The following CYP3A43 variants were observed in gnomAD, a reference collection of about 807,000 sequenced individuals.
CYP3A43 encodes the protein cytochrome P450 family 3 subfamily A member 43.
CYP3A43 carries 45 observed loss-of-function variants against 58.0 expected under a neutral mutation model. The ratio of observed to expected loss-of-function variants is 0.78; its 90% confidence interval spans 0.61 to 0.99. The LOEUF is 0.99. Ranked by LOEUF, CYP3A43 falls within the 50% of genes least tolerant of loss-of-function variation. The pLI, the probability that CYP3A43 is intolerant of heterozygous loss-of-function variation, is 0.00. For synonymous variants in CYP3A43, 191 were observed against 201.4 expected, an observed-to-expected ratio of 0.95 and a Z score of 0.44; for missense variants, 593 against 591.9, an observed-to-expected ratio of 1.00 and a Z score of -0.02.
rs535874834 is a variant in CYP3A43, at chr7:99,861,110, G to C, written c.1027-503G>C. On this transcript the variant is annotated intron_variant, in intron 10 of 12. Coordinates refer to ENST00000354829, the MANE Select transcript of CYP3A43 (RefSeq NM_057095.3). ...GCTGGTCTCAAACTCCTGACCTCAA[G>C]TGATCCACCCACCTTGGCCTCCCAA... Among the ~76,000 whole-genome samples the C allele has an allele frequency of 6.4e-4, 98 of 152,324 alleles. 3 individuals are homozygous for C. In the South Asian group the frequency reaches 0.02, roughly 31 times the overall value.
At chr7:99,854,485 G>A (rs1164675031) in intron 7 of CYP3A43, among the ~76,000 whole-genome samples, 4 of 152,004 alleles carry the variant, frequency 2.6e-5, no homozygotes, top group East Asian at 1.9e-4. Context: ...GATTACAGGC[G>A]TGAGCCACCG....
intron 10 of CYP3A43, among the ~76,000 whole-genome samples, chr7:99,861,295 T>A (rs2151625782): frequency 6.6e-6 from 1 of 152,286 alleles, no homozygotes; most frequent in African/African-American, 2.4e-5. Flanking sequence ...CTTTGGCATA[T>A]TTTAGGTGAT....
chr7:99,865,825 T>G, intron 12 of CYP3A43, 81 bp from the exon 13 acceptor site: 1 of 987,986 alleles, frequency 1.0e-6, no homozygotes, highest in South Asian at 1.7e-5. Flanking sequence ...GCATTACCCT[T>G]GATGTCATCT....
At chr7:99,835,610 C>T (rs1161652618) in intron 1 of CYP3A43, among the ~76,000 whole-genome samples, 9 of 152,154 alleles carry the variant, frequency 5.9e-5, no homozygotes, top group African/African-American at 2.2e-4. Context: ...CTGATTATTT[C>T]CTGGGTCACA....
At chr7:99,849,337 T>C (rs1290712230) in intron 6 of CYP3A43, among the ~76,000 whole-genome samples, 1 of 152,188 alleles carries the variant, frequency 6.6e-6, no homozygotes, top group African/African-American at 2.4e-5. Flanking sequence ...CTCACCTTAG[T>C]GTCTCCATCA....
chr7:99,834,265 G>A (rs1203513725), intron 1 of CYP3A43, among the ~76,000 whole-genome samples: 1 of 151,964 alleles, frequency 6.6e-6, no homozygotes, highest in African/African-American at 2.4e-5. Flanking sequence ...ATGGGGGTAC[G>A]GTACCCCCAT....
intron 9 of CYP3A43, among the ~76,000 whole-genome samples, chr7:99,858,919 A>G (rs1036861323): frequency 2.6e-5 from 4 of 151,984 alleles, no homozygotes; most frequent in African/African-American, 9.7e-5. Flanking sequence ...GCTGGTCTCA[A>G]AATCCTGACC....
At chr7:99,830,959 C>T (rs1816818771) in intron 1 of CYP3A43, among the ~76,000 whole-genome samples, 1 of 152,186 alleles carries the variant, frequency 6.6e-6, no homozygotes, top group South Asian at 2.1e-4. Flanking sequence ...ATTCAACTTC[C>T]AATTTCTGTT....
At chr7:99,847,078 G>A (rs1225806073) in intron 4 of CYP3A43, among the ~76,000 whole-genome samples, 1 of 151,974 alleles carries the variant, frequency 6.6e-6, no homozygotes, top group Non-Finnish European at 1.5e-5. Context: ...GTGTATTAAA[G>A]ACACAGCTGC....
chr7:99,855,160 T>A (rs994658794), intron 7 of CYP3A43, among the ~76,000 whole-genome samples: 3 of 152,196 alleles, frequency 2.0e-5, no homozygotes, highest in African/African-American at 7.2e-5. Flanking sequence ...TCTCTTGCTT[T>A]TATTGATTTC....
intron 2 of CYP3A43, among the ~76,000 whole-genome samples, chr7:99,837,064 G>C (rs1204692710): frequency 1.3e-5 from 2 of 151,592 alleles, no homozygotes; most frequent in Admixed American, 6.6e-5. Context: ...CCAGCACTTT[G>C]GGAGGCCGAG....
chr7:99,840,719 C>T (rs778966145), intron 3 of CYP3A43, among the ~76,000 whole-genome samples: 1 of 152,154 alleles, frequency 6.6e-6, no homozygotes, highest in Non-Finnish European at 1.5e-5. Flanking sequence ...CGCAGCTACC[C>T]CTGTGGCTCA....
chr7:99,863,804 G>A, intron 12 of CYP3A43, 105 bp downstream of exon 12: 1 of 948,942 alleles, frequency 1.1e-6, no homozygotes, highest in Non-Finnish European at 1.4e-6. Context: ...TGCTCTGTAG[G>A]ACAAAGAATC....
chr7:99,849,937 C>A, intron 7 of CYP3A43: 1 of 566,332 alleles, frequency 1.8e-6, no homozygotes, highest in Non-Finnish European at 3.2e-6. Context: ...CCATCATCCC[C>A]TTCCAATCTT....
In CYP3A43 at chr7:99,847,777, C is replaced by T. The variant is rs1487178678; in HGVS notation, c.432+176C>T. 12 of 943,700 alleles carry T rather than the reference C, an allele frequency of 1.3e-5. No individual in the cohort carries two copies. The South Asian group carries it at 1.4e-4, about 11-fold the overall frequency. The allele number at this position is 943,700 out of a possible 1,614,324, so 58.5% of individuals were successfully genotyped here. A position where few individuals can be genotyped will look rare whatever the true frequency, so the allele number is the denominator to read the frequency against. ...CTGTAATCCCAGCACTTTGGGAGGCCGAGGTGGGTGGATCACCTGAGGTTA... is the reference window on the plus strand; with the variant it reads ...CTGTAATCCCAGCACTTTGGGAGGCTGAGGTGGGTGGATCACCTGAGGTTA... On this transcript the variant is annotated intron_variant, in intron 5 of 12. Coordinates refer to ENST00000354829, the MANE Select transcript of CYP3A43 (RefSeq NM_057095.3).
At position 99,865,822 on chromosome 7, in the gene CYP3A43, C is replaced by T. The variant is rs1419767401; in HGVS notation, c.1417-84C>T. ...TTTTTTAGTCATTGCAAAGCATTACCCTTGATGTCATCTTTTTTATTTTGC... is the reference window on the plus strand; with the variant it reads ...TTTTTTAGTCATTGCAAAGCATTACTCTTGATGTCATCTTTTTTATTTTGC... On this transcript the variant is annotated intron_variant, in intron 12 of 12. Transcript: ENST00000354829. 5.3e-6 allele frequency: 5 copies of T among 949,688 alleles called. No individual in the cohort carries two copies. The African/African-American group carries it at 8.3e-5, about 16-fold the overall frequency. 58.8% of individuals were successfully genotyped at this position (949,688 alleles called of 1,614,324 possible). A position where few individuals can be genotyped will look rare whatever the true frequency, so the allele number is the denominator to read the frequency against.
At position 99,865,910 on chromosome 7, in the gene CYP3A43, C is replaced by T; in HGVS notation, c.1421C>T (p.Pro474Leu). 1 of 1,557,898 alleles carries T rather than the reference C, an allele frequency of 6.4e-7. No individual in the cohort carries two copies. The highest frequency in any genetic ancestry group is 8.6e-7 in the Non-Finnish European group (1 of 1,168,580). Reference protein sequence around the residue: ...SFKPCKETQIPLKLDNLPILQ... With the variant: ...SFKPCKETQILLKLDNLPILQ... ...ATTCTTGTTTAACTTTTGCAGATCCCACTGAAATTAGACAATCTACCAATT... is the reference window on the plus strand; with the variant it reads ...ATTCTTGTTTAACTTTTGCAGATCCTACTGAAATTAGACAATCTACCAATT... The change falls in exon 13 of 13, where the codon CCA (proline) becomes CTA (leucine). Residue 474 changes from proline to leucine, a missense_variant. By Grantham distance (98) the Pro-to-Leu change is moderately conservative. Coordinates refer to ENST00000354829, the MANE Select transcript of CYP3A43 (RefSeq NM_057095.3).
chr7:99,865,759 T>G (rs1299913739), intron 12 of CYP3A43, 147 bp from the exon 13 acceptor site: 1 of 497,090 alleles, frequency 2.0e-6, no homozygotes, highest in Non-Finnish European at 3.5e-6. Flanking sequence ...ACTGAACAAG[T>G]ACAAATAAAC....
chr7:99,850,451 G>A (rs747883023), intron 7 of CYP3A43, among the ~76,000 whole-genome samples: 67 of 152,010 alleles, frequency 4.4e-4, no homozygotes, highest in East Asian at 5.8e-4. Flanking sequence ...TAGTAGAGAC[G>A]GGGTTTCTCC....
Sources: allele counts gnomAD v4.1 joint callset (sites outside exome capture counted in the v4.1 genomes callset), GRCh38; gene constraint gnomAD v4.1.1; transcripts MANE v1.5; gene names NCBI Gene and HGNC (gene_info 2026-07-23, HGNC 2026-07-21).